MYH2: variants seen among roughly 807,000 people sequenced by gnomAD.
MYH2 encodes myosin-2.
MYH2 carries 139 observed loss-of-function variants against 228.1 expected under a neutral mutation model. That is an observed-to-expected ratio of 0.61 (90% CI 0.53 to 0.70). The LOEUF is 0.70. MYH2 is among the 30% of genes least tolerant of loss of function. The pLI, the probability that MYH2 is intolerant of heterozygous loss-of-function variation, is 0.00. For missense variants in MYH2, 1,809 were observed against 2,357.5 expected (o/e 0.77, Z 4.82); for synonymous variants, 796 against 871.1 (o/e 0.91, Z 1.52).
chr17:10,531,539 C>T (rs2073423399), intron 22 of MYH2, 94 bp downstream of exon 22: 25 of 1,547,134 alleles, frequency 1.6e-5, no homozygotes, highest in Non-Finnish European at 1.7e-5. Context: ...CAATGAGTGT[C>T]TCCCTTGCAA....
At position 10,523,369 on chromosome 17, in the gene MYH2, T is replaced by G; in HGVS notation, c.5516A>C (p.Asn1839Thr). ...GCGCAGACCTTTGACAGCCTCAGCA[T>G]TACGCTTTTGCTCACTCTCAACCTC... ...EGEVESEQKRNAEAVKGLRKH... is the reference protein window; with the variant it reads ...EGEVESEQKRTAEAVKGLRKH... Residue 1839 changes from asparagine (N) to threonine (T), a missense_variant, in exon 38 of 40, where the codon AAT becomes ACT. Physicochemically the swap from Asn to Thr is moderately conservative, Grantham distance 65. Coordinates refer to ENST00000245503, the MANE Select transcript of MYH2 (RefSeq NM_017534.6). The G allele has an allele frequency of 6.2e-7, 1 of 1,614,218 alleles. No individual in the cohort carries two copies. The highest frequency in any genetic ancestry group is 8.5e-7 in the Non-Finnish European group (1 of 1,180,042).
chr17:10,546,120 T>C (rs1156287929), intron 4 of MYH2, among the ~76,000 whole-genome samples: 2 of 151,682 alleles, frequency 1.3e-5, no homozygotes, highest in Non-Finnish European at 2.9e-5. Flanking sequence ...AGTAAGGGAA[T>C]GGTTAGGTGA....
chr17:10,523,637 C>T lies in MYH2; in HGVS notation c.5331G>A (p.Lys1777=), dbSNP rs1348935692. 7 of 1,614,084 alleles carry T rather than the reference C, an allele frequency of 4.3e-6. No individual in the cohort carries two copies. The highest frequency in any genetic ancestry group is 5.9e-6 in the Non-Finnish European group (7 of 1,180,046). The part of the protein sequence containing the change: ...DAAMMAEELK[K]EQDTSAHLER... Reference sequence around the variant, plus strand: ...CCAGGTGGGCGCTGGTGTCCTGCTCCTTCTTCAGCTCCTCAGCCATCATGG... The same window carrying T: ...CCAGGTGGGCGCTGGTGTCCTGCTCTTTCTTCAGCTCCTCAGCCATCATGG... The change falls in exon 37 of 40, where the codon AAG becomes AAA. Residue 1777 remains lysine, a synonymous_variant. Coordinates refer to ENST00000245503, the MANE Select transcript of MYH2 (RefSeq NM_017534.6).
At chr17:10,540,178 A>C in intron 11 of MYH2, 112 bp from the exon 12 acceptor site, 1 of 1,439,964 alleles carries the variant, frequency 6.9e-7, no homozygotes, top group Non-Finnish European at 9.7e-7. Context: ...ATGGGAGACA[A>C]GGAACCCCTT....
In MYH2 at chr17:10,539,536, T is replaced by C. The variant is rs139212712; in HGVS notation, c.1174A>G (p.Ser392Gly). ...TTGAGCAGATCTGCAGAGTTCAGAC[T>C]CTGGAGGTAGGCCGCCTTGTCAGCA... is the stretch of plus-strand genomic sequence containing the variant. ...EVADKAAYLQ[S>G]LNSADLLKAL... Residue 392 changes from serine to glycine, a missense_variant, in exon 13 of 40, where the codon AGT (serine) becomes GGT (glycine). Physicochemically the swap from Ser to Gly is moderately conservative, Grantham distance 56. Around this residue, in one of 9 missense-constraint regions of MYH2, gnomAD observed 373 missense variants for 620.4 expected, o/e 0.60. Transcript: ENST00000245503. The C allele has an allele frequency of 2.4e-4, 394 of 1,614,132 alleles. No homozygotes were observed. Among genetic ancestry groups the C allele is most frequent in the Non-Finnish European group, 3.2e-4 (380 of 1,180,026 alleles).
Position 10,523,829 on chromosome 17 carries a change from T to G in MYH2, c.5231A>C (p.Gln1744Pro). 6.2e-7 allele frequency: 1 copy of G among 1,614,180 alleles called. No homozygotes were observed. Among genetic ancestry groups the G allele is most frequent in the East Asian group, 2.2e-5 (1 of 44,892 alleles). The part of the protein sequence containing the change: ...KKLETDISQM[Q>P]GEMEDILQEA... ...CTGGAGAATGTCCTCCATCTCTCCT[T>G]GCATTTGGGAAATATCTGTCTCCAG... is the stretch of plus-strand genomic sequence containing the variant. Residue 1744 changes from glutamine (Q) to proline (P), a missense_variant, in exon 36 of 40, where the codon CAA (glutamine) becomes CCA (proline). Transcript: ENST00000245503.
At position 10,521,187 on chromosome 17, in the gene MYH2, A is replaced by G. The variant is rs1400509171; in HGVS notation, c.*93T>C. On this transcript the variant is annotated 3_prime_UTR_variant, in exon 40 of 40. Transcript: ENST00000245503. ...TACCCTATGCTTTATTTCCTTTGCA[A>G]CAGGGTAGAATACACAATAATTACA... is the stretch of plus-strand genomic sequence containing the variant. 9 of 1,458,610 alleles carry G rather than the reference A, an allele frequency of 6.2e-6. No homozygotes were observed. The highest frequency in any genetic ancestry group is 1.1e-5 in the South Asian group (1 of 87,770). The allele number at this position is 1,458,610 out of a possible 1,614,324, so 90.4% of individuals were successfully genotyped here. A position where few individuals can be genotyped will look rare whatever the true frequency, so the allele number is the denominator to read the frequency against.
Position 10,527,662 on chromosome 17 carries a change from A to G in MYH2, c.3871+86T>C, listed in dbSNP as rs2073370451. On this transcript the variant is annotated intron_variant, in intron 28 of 39. Coordinates refer to ENST00000245503, the MANE Select transcript of MYH2 (RefSeq NM_017534.6). ...AATCAGACATGTTCTCAGCTGTTTT[A>G]TTAGGCTCCCACTTCACCAAATCAG... 7 of 1,599,252 alleles carry G rather than the reference A, an allele frequency of 4.4e-6. No homozygotes were observed. In the East Asian group the frequency reaches 1.6e-4, roughly 36 times the overall value.
Position 10,536,665 on chromosome 17 carries a change from A to AT in MYH2, c.1898-60dup, listed in dbSNP as rs1597454224. 2.0e-6 allele frequency: 3 copies of AT among 1,502,600 alleles called. No individual in the cohort carries two copies. The East Asian group carries it at 6.8e-5, about 34-fold the overall frequency. The allele number at this position is 1,502,600 out of a possible 1,614,324, so 93.1% of individuals were successfully genotyped here. A position where few individuals can be genotyped will look rare whatever the true frequency, so the allele number is the denominator to read the frequency against. On this transcript the variant is annotated intron_variant, in intron 16 of 39. Transcript: ENST00000245503. ...GAATTGGCAGGGCTACTTCTTGCGT[A>AT]TTTGCTGATTTCTGTGTTCATCGAG...
Position 10,528,800 on chromosome 17 carries a change from G to A in MYH2, c.3634C>T (p.Gln1212Ter). Residue 1212 changes from glutamine (Q) to a stop codon, truncating the protein, a stop_gained, in exon 27 of 40, where the codon CAG becomes TAG. Coordinates refer to ENST00000245503, the MANE Select transcript of MYH2 (RefSeq NM_017534.6). LOFTEE classifies it high-confidence loss of function. ...TTCACTCGCTGCAGGTTGTCAATCT[G>A]CTCCCCAAGCTCGGCCACACTATCT... ...HADSVAELGE[Q>*]IDNLQRVKQK... The A allele has an allele frequency of 6.2e-7, 1 of 1,614,144 alleles. No homozygotes were observed. The highest frequency in any genetic ancestry group is 8.5e-7 in the Non-Finnish European group (1 of 1,180,038).
chr17:10,547,068 GAC>G (rs2073644658), intron 4 of MYH2, among the ~76,000 whole-genome samples: 1 of 152,154 alleles, frequency 6.6e-6, no homozygotes, highest in Non-Finnish European at 1.5e-5. Context: ...TCCAGCCTGG[GAC>G]ACAGAGCAAG....
At chr17:10,522,510 T>A (rs2073296450) in intron 39 of MYH2, among the ~76,000 whole-genome samples, 1 of 152,070 alleles carries the variant, frequency 6.6e-6, no homozygotes, top group African/African-American at 2.4e-5. Flanking sequence ...ATTCACCAAT[T>A]TCTACTTTTA....
Position 10,525,679 on chromosome 17 carries a change from G to A in MYH2, c.4371+14C>T, listed in dbSNP as rs1182416611. ...AAGAGTAGAGTAAAGAGCAGAAGAT[G>A]CTGGAGGAATTACCTTATCGAAGTT... On this transcript the variant is annotated intron_variant, in intron 31 of 39. Transcript: ENST00000245503. This position sits in a 1 kb window ranked among gnomAD's most constrained non-coding sequence, Gnocchi z 4.2. 8.1e-6 allele frequency: 13 copies of A among 1,614,224 alleles called. No individual in the cohort carries two copies. The highest frequency in any genetic ancestry group is 1.0e-5 in the Non-Finnish European group (12 of 1,180,046).
intron 5 of MYH2, 116 bp downstream of exon 5, chr17:10,545,230 C>T: frequency 3.8e-6 from 6 of 1,585,012 alleles, no homozygotes; most frequent in African/African-American, 1.3e-5. Flanking sequence ...CATAAATACA[C>T]CAGCCTCAAC....
At chr17:10,526,153 C>G (rs1389781984) in intron 30 of MYH2, among the ~76,000 whole-genome samples, 1 of 152,136 alleles carries the variant, frequency 6.6e-6, no homozygotes, top group African/African-American at 2.4e-5. Flanking sequence ...CTTACAGATA[C>G]AAGTGCAATG....
chr17:10,525,007 A>T lies in MYH2; in HGVS notation c.4721T>A (p.Val1574Asp). 2 of 1,613,992 alleles carry T rather than the reference A, an allele frequency of 1.2e-6. No individual in the cohort carries two copies. Among genetic ancestry groups the T allele is most frequent in the South Asian group, 1.1e-5 (1 of 91,060 alleles). Reference sequence around the variant, plus strand: ...AATTTTCCTATCAACCTCAGACTTGACTTGGTTCAACTCAAGCTGGATGCG... The same window carrying T: ...AATTTTCCTATCAACCTCAGACTTGTCTTGGTTCAACTCAAGCTGGATGCG... Reference protein sequence around the residue: ...ILRIQLELNQVKSEVDRKIAE... With the variant: ...ILRIQLELNQDKSEVDRKIAE... Residue 1574 changes from valine to aspartate, a missense_variant, in exon 34 of 40, where the codon GTC becomes GAC. Around this residue, in one of 9 missense-constraint regions of MYH2, gnomAD observed 636 missense variants for 729.9 expected, o/e 0.87. Coordinates refer to ENST00000245503, the MANE Select transcript of MYH2 (RefSeq NM_017534.6). The surrounding 1 kb of genome is among the most constrained non-coding windows in gnomAD (Gnocchi z 4.2).
At position 10,528,756 on chromosome 17, in the gene MYH2, C is replaced by T; in HGVS notation, c.3678G>A (p.Glu1226=). 1 of 1,614,096 alleles carries T rather than the reference C, an allele frequency of 6.2e-7. No individual in the cohort carries two copies. Among genetic ancestry groups the T allele is most frequent in the Non-Finnish European group, 8.5e-7 (1 of 1,179,956 alleles). ...CAATCTCCATCTTCATCTCACTCTT[C>T]TCCTTCTCCAGCTTCTGCTTCACTC... The part of the protein sequence containing the change: ...LQRVKQKLEK[E]KSEMKMEIDD... The change falls in exon 27 of 40, where the codon GAG becomes GAA. Residue 1226 remains glutamate (E), a synonymous_variant. Coordinates refer to ENST00000245503, the MANE Select transcript of MYH2 (RefSeq NM_017534.6).
At chr17:10,540,828 G>T in intron 10 of MYH2, 131 bp from the exon 11 acceptor site, 1 of 700,360 alleles carries the variant, frequency 1.4e-6, no homozygotes, top group South Asian at 1.7e-5. Context: ...ACCGGCTGAA[G>T]CCATGGTGGA....
chr17:10,528,645 C>T, intron 27 of MYH2, 45 bp downstream of exon 27: 1 of 1,613,484 alleles, frequency 6.2e-7, no homozygotes, highest in African/African-American at 1.3e-5. Flanking sequence ...ATGATGTGTC[C>T]ATAATGCATT....
Sources: gnomAD v4.1 joint callset for allele counts (sites outside exome capture counted in the v4.1 genomes callset) on GRCh38, gnomAD v4.1.1 for gene constraint, gnomAD v4.1.1 regional missense constraint, Gnocchi (gnomAD v3.1) non-coding constraint, MANE v1.5 for transcripts, NCBI Gene and HGNC (gene_info 2026-07-23, HGNC 2026-07-21) for gene names.